Variants in TRAPPC10 observed in about 807,000 individuals in gnomAD.
TRAPPC10 encodes TRAPP 130 kDa subunit.
A neutral mutation model predicts 125.5 loss-of-function variants in TRAPPC10; 23 were observed. The observed-to-expected ratio is 0.18, with a 90% CI of 0.13 to 0.26. The LOEUF is 0.26. TRAPPC10 is among the 10% of genes least tolerant of loss of function. The probability of loss-of-function intolerance (pLI) is 1.00; values close to 1 mark genes in which losing one functional copy is unlikely to be tolerated. For synonymous variants in TRAPPC10, 509 were observed against 518.0 expected (o/e 0.98, Z 0.24); for missense variants, 1,123 against 1,308.4 (o/e 0.86, Z 2.19).
intron 11 of TRAPPC10, among the ~76,000 whole-genome samples, 164 bp downstream of exon 11, chr21:44,077,948 A>T (rs2037408006): frequency 6.6e-6 from 1 of 152,218 alleles, no homozygotes; most frequent in Admixed American, 6.5e-5. Context: ...TCTGAAAACC[A>T]GATGGAGAGA....
intron 6 of TRAPPC10, chr21:44,062,915 G>A (rs1366134942): frequency 5.9e-5 from 73 of 1,247,400 alleles, no homozygotes; most frequent in Non-Finnish European, 7.6e-5. Context: ...ATTATACATT[G>A]TTATGCTTAT....
chr21:44,091,618 T>G (rs1340944589), intron 18 of TRAPPC10: 1 of 250,302 alleles, frequency 4.0e-6, no homozygotes, highest in East Asian at 1.1e-4. Context: ...TTTTATATTT[T>G]TAGTAGAGAT....
chr21:44,040,874 C>T (rs1447205145), intron 3 of TRAPPC10, among the ~76,000 whole-genome samples: 3 of 151,944 alleles, frequency 2.0e-5, no homozygotes, highest in South Asian at 2.1e-4. Context: ...CCTCAGTCCC[C>T]TGAAGTGCTG....
Position 44,022,450 on chromosome 21 carries a change from ATTTTTTTTTTTTT to A in TRAPPC10, c.68-9628_68-9616del, listed in dbSNP as rs71197876. ...AGGCGTGTGCCACCATGCCCAGCTAATTTTTTTTTTTTTTTTTTTTTTTTTACAAAGACGGGGT... is the reference window on the plus strand; with the variant it reads ...AGGCGTGTGCCACCATGCCCAGCTAATTTTTTTTTTTTACAAAGACGGGGT... On this transcript the variant is annotated intron_variant, in intron 1 of 22. Coordinates refer to ENST00000291574, the MANE Select transcript of TRAPPC10 (RefSeq NM_003274.5). Among the ~76,000 whole-genome samples, 742 of 96,992 alleles carry A rather than the reference ATTTTTTTTTTTTT, an allele frequency of 7.7e-3. 3 individuals carry two copies. The highest frequency in any genetic ancestry group is 0.066 in the Middle Eastern group (12 of 182). 63.6% of individuals were successfully genotyped at this position (96,992 alleles called of 152,430 possible).
intron 7 of TRAPPC10, among the ~76,000 whole-genome samples, chr21:44,067,239 G>C (rs1199115378): frequency 1.3e-5 from 2 of 152,206 alleles, no homozygotes; most frequent in African/African-American, 4.8e-5. Context: ...CCAACCTGCA[G>C]GTTGAACCAG....
chr21:44,025,020 G>T (rs1490678243), intron 1 of TRAPPC10, among the ~76,000 whole-genome samples: 2 of 152,314 alleles, frequency 1.3e-5, no homozygotes, highest in Admixed American at 6.5e-5. Context: ...ATTCCATGAT[G>T]TCGATATTCC....
In TRAPPC10 at chr21:44,037,883, C is replaced by T; in HGVS notation, c.241C>T (p.Leu81=). 6.2e-7 allele frequency: 1 copy of T among 1,614,128 alleles called. No individual in the cohort carries two copies. Among genetic ancestry groups the T allele is most frequent in the Non-Finnish European group, 8.5e-7 (1 of 1,180,032 alleles). The change falls in exon 3 of 23, where the codon CTG becomes TTG. Residue 81 remains leucine (L), a synonymous_variant. Coordinates refer to ENST00000291574, the MANE Select transcript of TRAPPC10 (RefSeq NM_003274.5). ...ELLPKEGNKA[L]LTFPFLHIYW... ...GCTGCCCAAAGAAGGAAACAAAGCT[C>T]TGCTCACGTTTCCCTTCCTCCATAT...
chr21:44,024,782 A>G (rs1363723267), intron 1 of TRAPPC10, among the ~76,000 whole-genome samples: 1 of 152,158 alleles, frequency 6.6e-6, no homozygotes, highest in Non-Finnish European at 1.5e-5. Context: ...AAATCTACAA[A>G]ATGAGGTCTA....
chr21:44,069,843 ACT>A (rs774992183), intron 7 of TRAPPC10, among the ~76,000 whole-genome samples: 9 of 151,720 alleles, frequency 5.9e-5, no homozygotes, highest in Non-Finnish European at 1.0e-4. Flanking sequence ...GTAGTGGATG[ACT>A]CTAACCAACC....
At chr21:44,056,088 C>G (rs1601685038) in intron 5 of TRAPPC10, among the ~76,000 whole-genome samples, 195 bp downstream of exon 5, 2 of 152,144 alleles carry the variant, frequency 1.3e-5, no homozygotes, top group Admixed American at 6.5e-5. Flanking sequence ...ATGAAAAGGA[C>G]ACACACACTG....
chr21:44,029,163 C>T (rs569738814), intron 1 of TRAPPC10, among the ~76,000 whole-genome samples: 61 of 152,188 alleles, frequency 4.0e-4, no homozygotes, highest in Non-Finnish European at 7.6e-4. Context: ...GGCGTGATCT[C>T]GGCTCACTGC....
Position 44,087,711 on chromosome 21 carries a change from A to G in TRAPPC10, c.2552A>G (p.Glu851Gly). Reference sequence around the variant, plus strand: ...CTGTCCTTCGTAGAACAGTCTTCTGAGGCCGCGCTCCGGATTCAGTCCTCC... The same window carrying G: ...CTGTCCTTCGTAGAACAGTCTTCTGGGGCCGCGCTCCGGATTCAGTCCTCC... Reference protein sequence around the residue: ...VYSNTREQSSEAALRIQSSDK... With the variant: ...VYSNTREQSSGAALRIQSSDK... The change falls in exon 17 of 23, where the codon GAG (glutamate) becomes GGG (glycine). Residue 851 changes from glutamate to glycine, a missense_variant. Coordinates refer to ENST00000291574, the MANE Select transcript of TRAPPC10 (RefSeq NM_003274.5). This position sits in a 1 kb window ranked among gnomAD's most constrained non-coding sequence, Gnocchi z 4.6. 6 of 1,613,710 alleles carry G rather than the reference A, an allele frequency of 3.7e-6. No homozygotes were observed. Among genetic ancestry groups the G allele is most frequent in the Non-Finnish European group, 5.1e-6 (6 of 1,180,034 alleles).
chr21:44,046,023 T>C (rs942459185), intron 3 of TRAPPC10, among the ~76,000 whole-genome samples: 5 of 152,068 alleles, frequency 3.3e-5, no homozygotes, highest in Admixed American at 2.6e-4. Flanking sequence ...GGAAATCATG[T>C]TTGTACAAAA....
At chr21:44,053,930 G>C (rs2035392298) in intron 4 of TRAPPC10, among the ~76,000 whole-genome samples, 1 of 141,012 alleles carries the variant, frequency 7.1e-6, no homozygotes, top group South Asian at 2.3e-4. Flanking sequence ...AATTGATGAT[G>C]ATATAGAAAC....
At chr21:44,074,993 T>C (rs2037169054) in intron 8 of TRAPPC10, 46 bp from the exon 9 acceptor site, 1 of 1,339,736 alleles carries the variant, frequency 7.5e-7, no homozygotes, top group African/African-American at 1.5e-5. Context: ...AATTCCCTGC[T>C]GACTCTTACG....
At chr21:44,040,477 G>C (rs1024888880) in intron 3 of TRAPPC10, among the ~76,000 whole-genome samples, 7 of 152,042 alleles carry the variant, frequency 4.6e-5, no homozygotes, top group Non-Finnish European at 1.0e-4. Context: ...TGATTGAGTT[G>C]AGACCACAGG....
intron 20 of TRAPPC10, among the ~76,000 whole-genome samples, chr21:44,094,573 C>T (rs1445356438): frequency 6.6e-6 from 1 of 152,190 alleles, no homozygotes; most frequent in Non-Finnish European, 1.5e-5. Flanking sequence ...GTCATTTCAT[C>T]TTCAGGGGCA....
intron 17 of TRAPPC10, chr21:44,089,323 T>A (rs1290092824): frequency 2.8e-6 from 1 of 351,704 alleles, no homozygotes; most frequent in East Asian, 7.7e-5. Context: ...AGGGATGTAA[T>A]AGCTTTGTCC....
At chr21:44,036,494 C>T (rs1322150222) in intron 2 of TRAPPC10, among the ~76,000 whole-genome samples, 2 of 152,236 alleles carry the variant, frequency 1.3e-5, no homozygotes, top group Admixed American at 6.5e-5. Context: ...GTGTGCAGTT[C>T]TGTTCCATCA....
Sources: allele counts gnomAD v4.1 joint callset (sites outside exome capture counted in the v4.1 genomes callset), GRCh38; gene constraint gnomAD v4.1.1; non-coding constraint Gnocchi (gnomAD v3.1); transcripts MANE v1.5; gene names NCBI Gene and HGNC (gene_info 2026-07-23, HGNC 2026-07-21).